The following GALNTL6 variants were observed in gnomAD, a reference collection of about 807,000 sequenced individuals.
GALNTL6 encodes polypeptide N-acetylgalactosaminyltransferase like 6, also known as polypeptide N-acetylgalactosaminyltransferase-like 6.
A neutral mutation model predicts 73.7 loss-of-function variants in GALNTL6; 46 were observed. The observed-to-expected ratio is 0.62, with a 90% CI of 0.49 to 0.80. The LOEUF (loss-of-function observed/expected upper bound fraction) is 0.80. GALNTL6 is among the 30% of genes least tolerant of loss of function. The pLI is 0.00. For missense variants in GALNTL6, 604 were observed against 755.0 expected, an observed-to-expected ratio of 0.80 and a Z score of 2.34; for synonymous variants, 259 against 263.7, an observed-to-expected ratio of 0.98 and a Z score of 0.17.
chr4:172,827,200 C>A (rs1345259603), intron 7 of GALNTL6, among the ~76,000 whole-genome samples: 1 of 152,186 alleles, frequency 6.6e-6, no homozygotes, highest in East Asian at 1.9e-4. Flanking sequence ...GGCCCGGTTG[C>A]AGGCTTTTAC....
intron 2 of GALNTL6, among the ~76,000 whole-genome samples, chr4:171,921,926 G>A (rs1300243640): frequency 2.0e-5 from 3 of 151,944 alleles, no homozygotes; most frequent in Non-Finnish European, 2.9e-5. Context: ...TATATATTAT[G>A]TTATGATTAT....
rs558625881 is a variant in GALNTL6 at position 172,110,697 on chromosome 4, A to G, written c.139-118959A>G. Among the ~76,000 whole-genome samples, 4 of 152,280 alleles carry G rather than the reference A, an allele frequency of 2.6e-5. No individual in the cohort carries two copies. In the South Asian group the frequency reaches 6.2e-4, roughly 24 times the overall value. ...ATAAATGCTTTCTATGCCGAATTCCATATGATCAAAGGAATCAGACACATG... is the reference window on the plus strand; with the variant it reads ...ATAAATGCTTTCTATGCCGAATTCCGTATGATCAAAGGAATCAGACACATG... On this transcript the variant is annotated intron_variant, in intron 2 of 12. Transcript: ENST00000506823.
chr4:172,728,130 T>C (rs1735933732), intron 5 of GALNTL6, among the ~76,000 whole-genome samples: 1 of 152,160 alleles, frequency 6.6e-6, no homozygotes, highest in South Asian at 2.1e-4. Context: ...GCCAGGATGG[T>C]CTTGATTTCC....
chr4:172,942,526 A>T (rs1748963309), intron 9 of GALNTL6, among the ~76,000 whole-genome samples: 1 of 152,200 alleles, frequency 6.6e-6, no homozygotes, highest in South Asian at 2.1e-4. Context: ...TTGTGATGAC[A>T]TGAGGCACCA....
Position 172,882,806 on chromosome 4 carries a change from G to A in GALNTL6, c.940G>A (p.Gly314Arg), listed in dbSNP as rs1432658020. The change falls in exon 8 of 13, where the codon GGA becomes AGA. Residue 314 changes from glycine to arginine, a missense_variant. Physicochemically the swap from Gly to Arg is moderately radical, Grantham distance 125. Coordinates refer to ENST00000506823, the MANE Select transcript of GALNTL6 (RefSeq NM_001034845.3). ...ATTTCACAGGTCTCCTGTTATGGCTGGAGGTCTCTTTGCTGTGGATCGGAA... is the reference window on the plus strand; with the variant it reads ...ATTTCACAGGTCTCCTGTTATGGCTAGAGGTCTCTTTGCTGTGGATCGGAA... ...SDPFESPVMA[G>R]GLFAVDRKWF... The A allele has an allele frequency of 6.2e-7, 1 of 1,609,880 alleles. No homozygotes were observed. The highest frequency in any genetic ancestry group is 8.5e-7 in the Non-Finnish European group (1 of 1,176,338).
intron 2 of GALNTL6, among the ~76,000 whole-genome samples, chr4:171,915,805 A>G (rs1737602612): frequency 6.6e-6 from 1 of 152,114 alleles, no homozygotes; most frequent in Non-Finnish European, 1.5e-5. Context: ...CAGATTATTG[A>G]GGAGAGGTGC....
intron 5 of GALNTL6, among the ~76,000 whole-genome samples, chr4:172,364,636 T>G (rs1225818181): frequency 2.0e-5 from 3 of 152,192 alleles, no homozygotes; most frequent in African/African-American, 7.2e-5. Context: ...CAGAATGGCA[T>G]GGGTTGGGAA....
At chr4:172,302,333 T>G (rs1739962408) in intron 3 of GALNTL6, among the ~76,000 whole-genome samples, 1 of 152,160 alleles carries the variant, frequency 6.6e-6, no homozygotes, top group Admixed American at 6.5e-5. Flanking sequence ...AGGCAATGCC[T>G]CACCCTGCTT....
rs533523555 is a variant in GALNTL6, at chr4:172,481,371, C to T, written c.553+132682C>T. ...ACCCAAAGAGTGAGCACCAGCAAGA[C>T]GTATTGCAAAGAGCAAAAGAGCAAA... On this transcript the variant is annotated intron_variant, in intron 5 of 12. Transcript: ENST00000506823. Among the ~76,000 whole-genome samples, 5 of 152,078 alleles carry T rather than the reference C, an allele frequency of 3.3e-5. No individual in the cohort carries two copies. The South Asian group carries it at 8.3e-4, about 25-fold the overall frequency.
chr4:172,119,828 A>G (rs1733095600), intron 2 of GALNTL6, among the ~76,000 whole-genome samples: 1 of 152,188 alleles, frequency 6.6e-6, no homozygotes, highest in Admixed American at 6.5e-5. Context: ...AAAAATCTAC[A>G]AAGATTCTCA....
chr4:172,862,236 A>G (rs1744428814), intron 7 of GALNTL6, among the ~76,000 whole-genome samples: 1 of 152,142 alleles, frequency 6.6e-6, no homozygotes, highest in Admixed American at 6.6e-5. Context: ...ATGGAGATGA[A>G]CCACTTGTTG....
intron 5 of GALNTL6, among the ~76,000 whole-genome samples, chr4:172,720,477 C>G (rs560645990): frequency 1.3e-5 from 2 of 152,230 alleles, no homozygotes; most frequent in South Asian, 4.1e-4. Context: ...CTCCAGGTTC[C>G]CCCCTCCCAC....
At position 172,957,357 on chromosome 4, in the gene GALNTL6, G is replaced by A. The variant is rs1749799149; in HGVS notation, c.1371+5099G>A. ...CAGAATAGAATGGGCCTGTGTGGCT[G>A]GAAGGAGATATTTTCCTCGGTCTAA... On this transcript the variant is annotated intron_variant, in intron 10 of 12. Transcript: ENST00000506823. Among the ~76,000 whole-genome samples the A allele has an allele frequency of 2.0e-5, 3 of 152,188 alleles. No individual in the cohort carries two copies. The South Asian group carries it at 6.2e-4, about 31-fold the overall frequency.
chr4:172,390,814 C>T (rs1743641447), intron 5 of GALNTL6, among the ~76,000 whole-genome samples: 1 of 151,984 alleles, frequency 6.6e-6, no homozygotes, highest in African/African-American at 2.4e-5. Context: ...TATTTAAACA[C>T]AGATAAGATA....
At chr4:172,194,633 A>G (rs1735694247) in intron 2 of GALNTL6, among the ~76,000 whole-genome samples, 1 of 152,210 alleles carries the variant, frequency 6.6e-6, no homozygotes, top group Non-Finnish European at 1.5e-5. Context: ...AGATTGGGGA[A>G]CTAACATTCA....
intron 5 of GALNTL6, among the ~76,000 whole-genome samples, chr4:172,715,722 TA>T (rs1735035774): frequency 6.6e-6 from 1 of 152,200 alleles, no homozygotes; most frequent in South Asian, 2.1e-4. Flanking sequence ...TGCTACTTTT[TA>T]CAATGAAAAA....
chr4:172,818,779 A>G (rs1040408955), intron 7 of GALNTL6, among the ~76,000 whole-genome samples: 1 of 152,130 alleles, frequency 6.6e-6, no homozygotes, highest in Non-Finnish European at 1.5e-5. Context: ...TTGGATTTTT[A>G]GTAGAGACAG....
chr4:172,092,284 T>C (rs1732227700), intron 2 of GALNTL6, among the ~76,000 whole-genome samples: 1 of 152,128 alleles, frequency 6.6e-6, no homozygotes, highest in Admixed American at 6.6e-5. Flanking sequence ...ACTAATAACA[T>C]ATACCAAGGC....
intron 5 of GALNTL6, among the ~76,000 whole-genome samples, chr4:172,561,718 GC>G (rs1051103621): frequency 7.2e-5 from 11 of 152,238 alleles, no homozygotes; most frequent in African/African-American, 2.4e-4. Context: ...CACCTGGGAA[GC>G]CTCTTAAAAT....
Sources: allele counts gnomAD v4.1 joint callset (sites outside exome capture counted in the v4.1 genomes callset), GRCh38; gene constraint gnomAD v4.1.1; transcripts MANE v1.5; gene names NCBI Gene and HGNC (gene_info 2026-07-23, HGNC 2026-07-21).